The following CDH13 variants were observed in gnomAD, a reference collection of about 807,000 sequenced individuals.
The protein encoded by CDH13 is cadherin 13, also known as cadherin-13.
CDH13 carries 24 observed loss-of-function variants against 63.8 expected under a neutral mutation model. The observed-to-expected ratio is 0.38, with a 90% CI of 0.27 to 0.53. The LOEUF (loss-of-function observed/expected upper bound fraction) is 0.53, where lower values mean the gene tolerates loss of function less well. Ranked by LOEUF, CDH13 falls within the 20% of genes least tolerant of loss-of-function variation. The pLI is 0.85. For synonymous variants in CDH13, 503 were observed against 355.3 expected, an observed-to-expected ratio of 1.42 and a Z score of -4.67; for missense variants, 1,049 against 903.1, an observed-to-expected ratio of 1.16 and a Z score of -2.07.
At chr16:83,015,385 T>C (rs973192306) in intron 2 of CDH13, among the ~76,000 whole-genome samples, 13 of 151,824 alleles carry the variant, frequency 8.6e-5, no homozygotes, top group African/African-American at 3.1e-4. Context: ...TCAAAGTTCC[T>C]TGGTTATTTT....
chr16:82,776,062 T>A (rs1437092350), intron 1 of CDH13, among the ~76,000 whole-genome samples: 3 of 151,994 alleles, frequency 2.0e-5, no homozygotes, highest in African/African-American at 4.8e-5. Flanking sequence ...ATACAAAAAT[T>A]AGCTGAGGAC....
At position 83,758,562 on chromosome 16, in the gene CDH13, A is replaced by T. The variant is rs553719920; in HGVS notation, c.1681+10312A>T. 2.0e-5 allele frequency among the ~76,000 whole-genome samples: 3 copies of T among 152,348 alleles called. No homozygotes were observed. In the South Asian group the frequency reaches 6.2e-4, roughly 32 times the overall value. On this transcript the variant is annotated intron_variant, in intron 11 of 13. Coordinates refer to ENST00000567109, the MANE Select transcript of CDH13 (RefSeq NM_001257.5). ...GACCTCAGTCCCAGCCAGAGCGAGA[A>T]GGCAAACAAAAGAAATACTAGGCTT...
chr16:83,305,548 G>A (rs981472176), intron 5 of CDH13, among the ~76,000 whole-genome samples: 17 of 152,160 alleles, frequency 1.1e-4, no homozygotes, highest in African/African-American at 3.9e-4. Context: ...CATAAGAAAA[G>A]TCTAGAAGTT....
intron 1 of CDH13, among the ~76,000 whole-genome samples, chr16:82,793,611 C>T (rs368557972): frequency 1.3e-5 from 2 of 152,056 alleles, no homozygotes; most frequent in African/African-American, 2.4e-5. Flanking sequence ...AACTCAAAAC[C>T]CTGAAAGTAT....
chr16:83,115,576 A>G lies in CDH13; in HGVS notation c.367-9809A>G, dbSNP rs551701259. ...TGCAAAGGCTCGCTATTGCCTTGGAAGCAAATCCAGTCTTCTTACCTTGAC... is the reference window on the plus strand; with the variant it reads ...TGCAAAGGCTCGCTATTGCCTTGGAGGCAAATCCAGTCTTCTTACCTTGAC... On this transcript the variant is annotated intron_variant, in intron 3 of 13. Transcript: ENST00000567109. Among the ~76,000 whole-genome samples, 4 of 152,346 alleles carry G rather than the reference A, an allele frequency of 2.6e-5. No individual in the cohort carries two copies. In the South Asian group the frequency reaches 8.3e-4, roughly 32 times the overall value.
intron 1 of CDH13, among the ~76,000 whole-genome samples, chr16:82,719,167 A>G (rs1255840444): frequency 1.3e-5 from 2 of 152,146 alleles, no homozygotes; most frequent in African/African-American, 4.8e-5. Flanking sequence ...CTGTTTTAAG[A>G]TGAAACATGG....
At chr16:83,040,319 G>T (rs1466832080) in intron 3 of CDH13, among the ~76,000 whole-genome samples, 1 of 152,110 alleles carries the variant, frequency 6.6e-6, no homozygotes, top group Non-Finnish European at 1.5e-5. Flanking sequence ...TAGGAGAATT[G>T]ACTCACATCA....
At chr16:83,752,272 C>T (rs545218980) in intron 11 of CDH13, among the ~76,000 whole-genome samples, 41 of 152,208 alleles carry the variant, frequency 2.7e-4, no homozygotes, top group Admixed American at 4.6e-4. Flanking sequence ...ACTAGAAATG[C>T]GGTATACTTG....
At chr16:82,774,186 G>A (rs1174000474) in intron 1 of CDH13, among the ~76,000 whole-genome samples, 1 of 152,110 alleles carries the variant, frequency 6.6e-6, no homozygotes, top group Non-Finnish European at 1.5e-5. Flanking sequence ...CATCATAGTG[G>A]TTAAGAATAT....
intron 3 of CDH13, among the ~76,000 whole-genome samples, chr16:83,090,884 C>T (rs1452882251): frequency 1.0e-5 from 1 of 99,752 alleles, no homozygotes; most frequent in Non-Finnish European, 2.5e-5. Context: ...AGCATTAAAA[C>T]CATTTTGAAA....
intron 6 of CDH13, among the ~76,000 whole-genome samples, chr16:83,475,429 C>T (rs1291158686): frequency 6.6e-6 from 1 of 152,208 alleles, no homozygotes; most frequent in Non-Finnish European, 1.5e-5. Context: ...CCTAAGCTGC[C>T]ACTTGGAGAG....
intron 2 of CDH13, among the ~76,000 whole-genome samples, chr16:82,886,274 G>A (rs535692176): frequency 5.3e-5 from 8 of 152,144 alleles, no homozygotes; most frequent in Non-Finnish European, 1.0e-4. Context: ...GTTTTCAGAA[G>A]TGAAATTGGT....
rs3784979 is a variant in CDH13 at position 83,742,071 on chromosome 16, A to G, written c.1539-6037A>G. 9.4e-3 allele frequency among the ~76,000 whole-genome samples: 1,428 copies of G among 152,330 alleles called. 65 individuals are homozygous for G. Among genetic ancestry groups the G allele is most frequent in the Admixed American group, 0.068 (1,035 of 15,306 alleles). ...GCGAGTGACCCCAAGAAGCCTGCAG[A>G]AGGGACTTGTCAAACCTTTGATCTC... On this transcript the variant is annotated intron_variant, in intron 10 of 13. Coordinates refer to ENST00000567109, the MANE Select transcript of CDH13 (RefSeq NM_001257.5).
Position 83,047,934 on chromosome 16 carries a change from C to G in CDH13, c.366+15716C>G, listed in dbSNP as rs1211818605. On this transcript the variant is annotated intron_variant, in intron 3 of 13. Transcript: ENST00000567109. The surrounding 1 kb of genome is among the most constrained non-coding windows in gnomAD (Gnocchi z 4.9). ...GTGTGACCAGCACAGGGTCATACATCTAGAATATTTTGGAGACATATTTTT... is the reference window on the plus strand; with the variant it reads ...GTGTGACCAGCACAGGGTCATACATGTAGAATATTTTGGAGACATATTTTT... 1.3e-5 allele frequency among the ~76,000 whole-genome samples: 2 copies of G among 152,054 alleles called. No individual in the cohort carries two copies. The highest frequency in any genetic ancestry group is 1.5e-5 in the Non-Finnish European group (1 of 68,034).
intron 11 of CDH13, among the ~76,000 whole-genome samples, chr16:83,763,319 G>C (rs1459205681): frequency 1.3e-5 from 2 of 152,208 alleles, no homozygotes; most frequent in African/African-American, 2.4e-5. Context: ...GTCCCAGCCT[G>C]TCTTCTCCTT....
rs187396469 is a variant in CDH13 at position 83,582,808 on chromosome 16, C to T, written c.961-19646C>T. On this transcript the variant is annotated intron_variant, in intron 7 of 13. Transcript: ENST00000567109. ...ATTGCTGAGGACCTTAAGCAGAGTCCGATCAACCGTGTTGGCCCAGTTGGA... is the reference window on the plus strand; with the variant it reads ...ATTGCTGAGGACCTTAAGCAGAGTCTGATCAACCGTGTTGGCCCAGTTGGA... 5.8e-4 allele frequency among the ~76,000 whole-genome samples: 88 copies of T among 152,216 alleles called. 2 individuals carry two copies. The highest frequency in any genetic ancestry group is 1.8e-3 in the African/African-American group (73 of 41,530).
chr16:82,754,291 T>C (rs765510599), intron 1 of CDH13, among the ~76,000 whole-genome samples: 1 of 152,102 alleles, frequency 6.6e-6, no homozygotes. Flanking sequence ...CATTCCCACA[T>C]AGAAATGGAA....
chr16:83,118,518 G>T (rs2035416840), intron 3 of CDH13, among the ~76,000 whole-genome samples: 1 of 152,194 alleles, frequency 6.6e-6, no homozygotes, highest in South Asian at 2.1e-4. Context: ...ACATGTGTCT[G>T]TGTTTCAGAT....
chr16:82,637,131 A>G (rs892018046), intron 1 of CDH13, among the ~76,000 whole-genome samples: 6 of 152,080 alleles, frequency 3.9e-5, no homozygotes, highest in African/African-American at 1.4e-4. Flanking sequence ...ACCTTTGGCC[A>G]GGATCCTACA....
Sources: allele counts gnomAD v4.1 joint callset (sites outside exome capture counted in the v4.1 genomes callset), GRCh38; gene constraint gnomAD v4.1.1; non-coding constraint Gnocchi (gnomAD v3.1); transcripts MANE v1.5; gene names NCBI Gene and HGNC (gene_info 2026-07-23, HGNC 2026-07-21).